Variants in FGFR1 observed in about 807,000 individuals in gnomAD.
FGFR1 encodes the protein FGFR1/PLAG1 fusion.
In FGFR1, 18 loss-of-function variants were observed where a neutral mutation model predicts 93.7. That is an observed-to-expected ratio of 0.19 (90% CI 0.13 to 0.28). The LOEUF is 0.28. FGFR1 is among the 10% of genes least tolerant of loss of function. The pLI is 1.00. For synonymous variants in FGFR1, 448 were observed against 429.3 expected (o/e 1.04, Z -0.54); for missense variants, 731 against 1,080.4 (o/e 0.68, Z 4.53).
chr8:38,412,692 T>TG lies in FGFR1; in HGVS notation c.*935dup, dbSNP rs1350594875. The TG allele has an allele frequency of 4.3e-6, 1 of 233,054 alleles. No individual in the cohort carries two copies. Among genetic ancestry groups the TG allele is most frequent in the Non-Finnish European group, 8.5e-6 (1 of 117,854 alleles). 14.4% of individuals were successfully genotyped at this position (233,054 alleles called of 1,614,324 possible). A position where few individuals can be genotyped will look rare whatever the true frequency, so the allele number is the denominator to read the frequency against. ...GCCCGTGGGTGTCCCTTCTTTCCAG[T>TG]GGACATTCCCACCCTTTTCATACAG... On this transcript the variant is annotated 3_prime_UTR_variant, in exon 18 of 18. Transcript: ENST00000447712.
intron 2 of FGFR1, chr8:38,440,357 G>A (rs779224735): frequency 5.0e-6 from 8 of 1,600,218 alleles, no homozygotes; most frequent in East Asian, 2.3e-5. Flanking sequence ...CCGAAATCCC[G>A]GGTCACAGCT....
At position 38,430,415 on chromosome 8, in the gene FGFR1, C is replaced by T. The variant is rs1019770017; in HGVS notation, c.92-467G>A. The stretch of plus-strand genomic sequence containing the variant: ...TCCCTAGCAACAGCTGAACAAACCC[C>T]GCCCCTCAAAACCCCAGCAGCCCCT... On this transcript the variant is annotated intron_variant, in intron 2 of 17. Coordinates refer to ENST00000447712, the MANE Select transcript of FGFR1 (RefSeq NM_023110.3). The T allele has an allele frequency of 8.0e-5, 13 of 162,028 alleles. No homozygotes were observed. In the East Asian group the frequency reaches 2.0e-3, roughly 25 times the overall value. 10.0% of individuals were successfully genotyped at this position (162,028 alleles called of 1,614,324 possible). A position where few individuals can be genotyped will look rare whatever the true frequency, so the allele number is the denominator to read the frequency against.
chr8:38,426,361 C>T lies in FGFR1; in HGVS notation c.622-116G>A. 6.9e-7 allele frequency: 1 copy of T among 1,457,668 alleles called. No homozygotes were observed. The highest frequency in any genetic ancestry group is 9.5e-7 in the Non-Finnish European group (1 of 1,051,890). The allele number at this position is 1,457,668 out of a possible 1,614,324, so 90.3% of individuals were successfully genotyped here. ...ATATCAGAGCCTGGTGGCACAGGGC[C>T]CCAGGCTGCAGGGTTGGCTAGGACA... On this transcript the variant is annotated intron_variant, in intron 5 of 17. Transcript: ENST00000447712. This position sits in a 1 kb window ranked among gnomAD's most constrained non-coding sequence, Gnocchi z 4.1.
At chr8:38,433,277 G>A (rs914577553) in intron 2 of FGFR1, among the ~76,000 whole-genome samples, 19 of 152,058 alleles carry the variant, frequency 1.2e-4, no homozygotes, top group African/African-American at 3.1e-4. Flanking sequence ...TGGAGGCTAC[G>A]GTGAGCTATG....
rs2150545407 is a variant in FGFR1 at position 38,414,491 on chromosome 8, A to G, written c.2048+68T>C. Reference sequence around the variant, plus strand: ...AGAGGACTCCTCAGTCCAGGGAGAAAGCAGGACTCTACAGTGCTAGAAGCT... The same window carrying G: ...AGAGGACTCCTCAGTCCAGGGAGAAGGCAGGACTCTACAGTGCTAGAAGCT... On this transcript the variant is annotated intron_variant, in intron 15 of 17. Transcript: ENST00000447712. 3.8e-6 allele frequency: 6 copies of G among 1,578,972 alleles called. No homozygotes were observed. The East Asian group carries it at 1.1e-4, about 29-fold the overall frequency.
intron 2 of FGFR1, among the ~76,000 whole-genome samples, chr8:38,432,665 A>G (rs1823610139): frequency 6.6e-6 from 1 of 152,094 alleles, no homozygotes; most frequent in African/African-American, 2.4e-5. Flanking sequence ...TCGGCCTCCC[A>G]AAGTGCTGGC....
Position 38,412,042 on chromosome 8 carries a change from TCA to T in FGFR1, c.*1584_*1585del, listed in dbSNP as rs1422870706. The T allele has an allele frequency of 4.4e-6, 1 of 225,250 alleles. No homozygotes were observed. The highest frequency in any genetic ancestry group is 8.8e-6 in the Non-Finnish European group (1 of 113,080). 14.0% of individuals were successfully genotyped at this position (225,250 alleles called of 1,614,324 possible). ...GAGGGGGCAGACACATGTCTGGGTTTCAGTTTCTGCAGACCTTCATCATTTGT... is the reference window on the plus strand; with the variant it reads ...GAGGGGGCAGACACATGTCTGGGTTTGTTTCTGCAGACCTTCATCATTTGT... On this transcript the variant is annotated 3_prime_UTR_variant, in exon 18 of 18. Coordinates refer to ENST00000447712, the MANE Select transcript of FGFR1 (RefSeq NM_023110.3).
intron 1 of FGFR1, among the ~76,000 whole-genome samples, chr8:38,467,001 G>A (rs185968712): frequency 1.3e-4 from 19 of 151,854 alleles, no homozygotes; most frequent in Admixed American, 7.9e-4. Context: ...CGCAAACATG[G>A]GTCGTAGCCT....
chr8:38,415,933 G>A lies in FGFR1; in HGVS notation c.1791C>T (p.Ser597=), dbSNP rs2150584736. The A allele has an allele frequency of 6.2e-7, 1 of 1,614,102 alleles. No homozygotes were observed. Among genetic ancestry groups the A allele is most frequent in the Non-Finnish European group, 8.5e-7 (1 of 1,180,022 alleles). The part of the protein sequence containing the change: ...PSHNPEEQLS[S]KDLVSCAYQV... ...GGTAGGCGCAGGACACCAGGTCCTTGGAGGAGAGCTGCTCCTCTGGGTTGT... is the reference window on the plus strand; with the variant it reads ...GGTAGGCGCAGGACACCAGGTCCTTAGAGGAGAGCTGCTCCTCTGGGTTGT... The change falls in exon 13 of 18, where the codon TCC becomes TCT. Residue 597 remains serine, a synonymous_variant. Transcript: ENST00000447712.
rs923543925 is a variant in FGFR1, at chr8:38,426,801, G to A, written c.622-556C>T. Among the ~76,000 whole-genome samples, 1 of 152,194 alleles carries A rather than the reference G, an allele frequency of 6.6e-6. No homozygotes were observed. The highest frequency in any genetic ancestry group is 1.5e-5 in the Non-Finnish European group (1 of 68,038). ...AAGCATGGTGTCTTGCATGTAGTGAGTGCATGGTGAATTAATTTAAAATAT... is the reference window on the plus strand; with the variant it reads ...AAGCATGGTGTCTTGCATGTAGTGAATGCATGGTGAATTAATTTAAAATAT... On this transcript the variant is annotated intron_variant, in intron 5 of 17. Transcript: ENST00000447712. This position sits in a 1 kb window ranked among gnomAD's most constrained non-coding sequence, Gnocchi z 4.1.
rs1281168958 is a variant in FGFR1, at chr8:38,418,349, T to G, written c.1309A>C (p.Met437Leu). The change falls in exon 10 of 18, where the codon ATG (methionine) becomes CTG (leucine). Residue 437 changes from methionine to leucine, a missense_variant. Around this residue, in one of 10 missense-constraint regions of FGFR1, gnomAD observed 146 missense variants for 173.0 expected, o/e 0.84. Transcript: ENST00000447712. Reference protein sequence around the residue: ...VTVSADSSASMNSGVLLVRPS... With the variant: ...VTVSADSSASLNSGVLLVRPS... ...CGAACCAGAAGAACCCCAGAGTTCA[T>G]GGATGCACTGGAGTCAGCAGACACC... is the stretch of plus-strand genomic sequence containing the variant. The G allele has an allele frequency of 1.2e-6, 2 of 1,614,086 alleles. No individual in the cohort carries two copies. Among genetic ancestry groups the G allele is most frequent in the East Asian group, 4.5e-5 (2 of 44,874 alleles).
intron 2 of FGFR1, among the ~76,000 whole-genome samples, chr8:38,433,435 G>A (rs555345640): frequency 1.3e-5 from 2 of 152,222 alleles, no homozygotes; most frequent in Admixed American, 6.5e-5. Context: ...TTCAGCCTCT[G>A]GAGCAGCTGG....
intron 2 of FGFR1, among the ~76,000 whole-genome samples, chr8:38,455,472 T>G (rs1468498238): frequency 6.6e-6 from 1 of 152,022 alleles, no homozygotes; most frequent in African/African-American, 2.4e-5. Flanking sequence ...TTTGTATTTT[T>G]AATAGAGATG....
At chr8:38,428,159 G>C (rs1821457724) in intron 4 of FGFR1, 66 bp from the exon 5 acceptor site, 1 of 1,606,162 alleles carries the variant, frequency 6.2e-7, no homozygotes, top group African/African-American at 1.3e-5. Context: ...CTCAGGAGCA[G>C]GGCCCAGGCC....
chr8:38,454,318 GA>G (rs1419133213), intron 2 of FGFR1, among the ~76,000 whole-genome samples: 1 of 152,020 alleles, frequency 6.6e-6, no homozygotes, highest in Non-Finnish European at 1.5e-5. Context: ...GCAAAAAAAA[GA>G]AAGTACTTTA....
At position 38,426,358 on chromosome 8, in the gene FGFR1, G is replaced by A. The variant is rs1820752338; in HGVS notation, c.622-113C>T. On this transcript the variant is annotated intron_variant, in intron 5 of 17. Transcript: ENST00000447712. The surrounding 1 kb of genome is among the most constrained non-coding windows in gnomAD (Gnocchi z 4.1). ...TCCATATCAGAGCCTGGTGGCACAG[G>A]GCCCCAGGCTGCAGGGTTGGCTAGG... 1.2e-5 allele frequency: 18 copies of A among 1,484,614 alleles called. No homozygotes were observed. The highest frequency in any genetic ancestry group is 1.7e-5 in the Non-Finnish European group (18 of 1,076,030). The allele number at this position is 1,484,614 out of a possible 1,614,324, so 92.0% of individuals were successfully genotyped here.
intron 2 of FGFR1, among the ~76,000 whole-genome samples, chr8:38,447,272 A>G (rs1294308690): frequency 2.0e-5 from 3 of 152,150 alleles, no homozygotes; most frequent in African/African-American, 7.2e-5. Context: ...GATATAGAAA[A>G]ATAGTGTAAT....
chr8:38,429,635 G>C lies in FGFR1; in HGVS notation c.358+47C>G, dbSNP rs1363599819. The C allele has an allele frequency of 7.1e-6, 11 of 1,542,378 alleles. No individual in the cohort carries two copies. In the East Asian group the frequency reaches 2.2e-4, roughly 31 times the overall value. ...CCTCTGAAACTGGCAGAGAGGGCTG[G>C]AGGGGGTGGGTCTAGGGAGGGGCAA... On this transcript the variant is annotated intron_variant, in intron 3 of 17. Coordinates refer to ENST00000447712, the MANE Select transcript of FGFR1 (RefSeq NM_023110.3). This position sits in a 1 kb window ranked among gnomAD's most constrained non-coding sequence, Gnocchi z 4.4.
chr8:38,420,999 C>T (rs577996093), intron 8 of FGFR1, among the ~76,000 whole-genome samples: 36 of 152,296 alleles, frequency 2.4e-4, no homozygotes, highest in Non-Finnish European at 4.4e-5. Context: ...CAGGGGCATC[C>T]GGAGACCCTG....
Sources: gnomAD v4.1 joint callset for allele counts (sites outside exome capture counted in the v4.1 genomes callset) on GRCh38, gnomAD v4.1.1 for gene constraint, gnomAD v4.1.1 regional missense constraint, Gnocchi (gnomAD v3.1) non-coding constraint, MANE v1.5 for transcripts, NCBI Gene and HGNC (gene_info 2026-07-23, HGNC 2026-07-21) for gene names.